The following TTC8 variants were observed in gnomAD, a reference collection of about 807,000 sequenced individuals.
The protein encoded by TTC8 is tetratricopeptide repeat protein 8.
Under a neutral mutation model 72.5 loss-of-function variants are expected in TTC8, and 47 were observed. The observed-to-expected ratio is 0.65, with a 90% confidence interval of 0.51 to 0.83. TTC8 has a LOEUF of 0.83. Among genes scored for constraint, TTC8 ranks in the 40% least tolerant of loss-of-function variants. The pLI, the probability that TTC8 is intolerant of heterozygous loss-of-function variation, is 0.00. For missense variants in TTC8, 611 were observed against 623.2 expected (o/e 0.98, Z 0.21); for synonymous variants, 199 against 221.4 (o/e 0.90, Z 0.90).
At chr14:88,829,008 A>G (rs1285785019) in intron 1 of TTC8, among the ~76,000 whole-genome samples, 1 of 152,216 alleles carries the variant, frequency 6.6e-6, no homozygotes, top group East Asian at 1.9e-4. Flanking sequence ...CTACAAAAGA[A>G]CTGAAGGGTA....
rs1230857981 is a variant in TTC8, at chr14:88,871,710, G to A, written c.1211G>A (p.Gly404Glu). The A allele has an allele frequency of 6.2e-7, 1 of 1,613,946 alleles. No homozygotes were observed. Among genetic ancestry groups the A allele is most frequent in the Non-Finnish European group, 8.5e-7 (1 of 1,180,000 alleles). Reference protein sequence around the residue: ...EEAADVWYNLGHVAVGIGDTN... With the variant: ...EEAADVWYNLEHVAVGIGDTN... ...GCAGCTGATGTCTGGTACAACTTGG[G>A]ACATGTAGCTGTGGTATGTTGTCTT... Residue 404 changes from glycine (G) to glutamate (E), a missense_variant, in exon 12 of 15, where the codon GGA becomes GAA. Transcript: ENST00000380656. The surrounding 1 kb of genome is among the most constrained non-coding windows in gnomAD (Gnocchi z 4.1).
chr14:88,836,472 T>C lies in TTC8; in HGVS notation c.144+2750T>C, dbSNP rs74666423. On this transcript the variant is annotated intron_variant, in intron 2 of 14. Coordinates refer to ENST00000380656, the MANE Select transcript of TTC8 (RefSeq NM_144596.4). The stretch of plus-strand genomic sequence containing the variant: ...CACCACTACATTCCAGCCTGGGAGA[T>C]AGAGTGAGAGCCTGTCTTAAAAAAA... 4.4e-3 allele frequency among the ~76,000 whole-genome samples: 640 copies of C among 144,158 alleles called. 9 individuals carry two copies. The highest frequency in any genetic ancestry group is 0.015 in the African/African-American group (569 of 37,624). 94.6% of individuals were successfully genotyped at this position (144,158 alleles called of 152,430 possible).
At chr14:88,872,538 T>C (rs2094939153) in intron 13 of TTC8, 86 bp downstream of exon 13, 2 of 1,576,194 alleles carry the variant, frequency 1.3e-6, no homozygotes, top group African/African-American at 1.3e-5. Flanking sequence ...GCGTATGTTA[T>C]TTTAAAATGA....
At chr14:88,844,471 C>T (rs576963023) in intron 7 of TTC8, among the ~76,000 whole-genome samples, 1 of 152,112 alleles carries the variant, frequency 6.6e-6, no homozygotes, top group East Asian at 1.9e-4. Context: ...CTATTAGTTC[C>T]AGGAAAAAGG....
intron 7 of TTC8, 140 bp from the exon 8 acceptor site, chr14:88,852,831 C>A: frequency 1.4e-6 from 1 of 731,310 alleles, no homozygotes; most frequent in Non-Finnish European, 2.3e-6. Context: ...CATCTGGAAA[C>A]ATGAGCAACT....
intron 1 of TTC8, among the ~76,000 whole-genome samples, chr14:88,829,522 GTT>G (rs2094716710): frequency 6.6e-6 from 1 of 152,140 alleles, no homozygotes; most frequent in Admixed American, 6.5e-5. Context: ...AAACGTAAAG[GTT>G]TTTCAGGCAG....
At chr14:88,875,852 T>C (rs969433317) in intron 14 of TTC8, among the ~76,000 whole-genome samples, 4 of 152,232 alleles carry the variant, frequency 2.6e-5, no homozygotes, top group African/African-American at 9.6e-5. Context: ...TGAGCACCTG[T>C]AAGTACCAGC....
intron 7 of TTC8, among the ~76,000 whole-genome samples, chr14:88,851,754 T>C (rs1158219370): frequency 2.0e-5 from 3 of 152,118 alleles, no homozygotes; most frequent in African/African-American, 7.2e-5. Context: ...GTGGCTTCTT[T>C]TTAATTTTCA....
intron 8 of TTC8, 40 bp downstream of exon 8, chr14:88,853,096 G>C (rs371065813): frequency 7.0e-7 from 1 of 1,437,350 alleles, no homozygotes; most frequent in Non-Finnish European, 9.8e-7. Context: ...AAGTGGCCAC[G>C]TATTTTAGGG....
At chr14:88,840,820 A>G (rs776037836) in intron 3 of TTC8, 45 bp from the exon 4 acceptor site, 1 of 1,584,974 alleles carries the variant, frequency 6.3e-7, no homozygotes, top group East Asian at 2.3e-5. Flanking sequence ...GTTTTTACAG[A>G]TTAATAGATA....
intron 14 of TTC8, among the ~76,000 whole-genome samples, chr14:88,876,118 AC>A (rs2094956375): frequency 6.6e-6 from 1 of 152,158 alleles, no homozygotes; most frequent in Non-Finnish European, 1.5e-5. Flanking sequence ...TCAGATTCAC[AC>A]CCAGATCCCA....
intron 7 of TTC8, among the ~76,000 whole-genome samples, chr14:88,849,153 G>A (rs114230867): frequency 6.7e-4 from 102 of 152,162 alleles, no homozygotes; most frequent in African/African-American, 2.4e-3. Context: ...AAATAATAAT[G>A]ATTGGGTTGT....
Position 88,824,735 on chromosome 14 carries a change from C to G in TTC8, c.28C>G (p.Leu10Val). Residue 10 changes from leucine to valine, a missense_variant, in exon 1 of 15, where the codon CTG (leucine) becomes GTG (valine). Transcript: ENST00000380656. Reference sequence around the variant, plus strand: ...GAGCTCGGAGATGGAGCCGCTGCTCCTGGCCTGGAGCTATTTTAGGCGCAG... The same window carrying G: ...GAGCTCGGAGATGGAGCCGCTGCTCGTGGCCTGGAGCTATTTTAGGCGCAG... Reference protein sequence around the residue: MSSEMEPLLLAWSYFRRRKF... With the variant: MSSEMEPLLVAWSYFRRRKF... 1 of 1,611,492 alleles carries G rather than the reference C, an allele frequency of 6.2e-7. No individual in the cohort carries two copies. The highest frequency in any genetic ancestry group is 8.5e-7 in the Non-Finnish European group (1 of 1,179,098).
intron 10 of TTC8, among the ~76,000 whole-genome samples, chr14:88,869,029 A>C (rs2094922644): frequency 1.3e-5 from 2 of 152,334 alleles, no homozygotes; most frequent in South Asian, 4.1e-4. Context: ...GGTGCTTCTT[A>C]ACAATCAGTA....
chr14:88,868,344 A>G (rs2094919854), intron 10 of TTC8, among the ~76,000 whole-genome samples: 1 of 152,250 alleles, frequency 6.6e-6, no homozygotes, highest in African/African-American at 2.4e-5. Context: ...ATTAATCTAT[A>G]TAACTTACAT....
At chr14:88,840,033 C>G (rs186475945) in intron 3 of TTC8, 164 of 170,602 alleles carry the variant, frequency 9.6e-4, no homozygotes, top group Middle Eastern at 3.0e-3. Flanking sequence ...TTCTTATAAT[C>G]GAACATGATT....
chr14:88,839,855 A>G (rs2094771950), intron 3 of TTC8, among the ~76,000 whole-genome samples: 1 of 152,186 alleles, frequency 6.6e-6, no homozygotes, highest in Admixed American at 6.5e-5. Context: ...TTTAGAAATA[A>G]TTTATACCTA....
At chr14:88,875,430 A>G (rs193113055) in intron 14 of TTC8, among the ~76,000 whole-genome samples, 2 of 152,194 alleles carry the variant, frequency 1.3e-5, no homozygotes, top group Admixed American at 6.5e-5. Flanking sequence ...TGGCTTTTAC[A>G]GCAACAAAAT....
At chr14:88,866,430 C>T (rs904757148) in intron 10 of TTC8, among the ~76,000 whole-genome samples, 1 of 151,352 alleles carries the variant, frequency 6.6e-6, no homozygotes, top group Admixed American at 6.6e-5. Context: ...CACAAATTCT[C>T]ATCTATTTAG....
Sources: gnomAD v4.1 joint callset for allele counts (sites outside exome capture counted in the v4.1 genomes callset) on GRCh38, gnomAD v4.1.1 for gene constraint, Gnocchi (gnomAD v3.1) non-coding constraint, MANE v1.5 for transcripts, NCBI Gene and HGNC (gene_info 2026-07-23, HGNC 2026-07-21) for gene names.